CYSTM1: variants seen among roughly 807,000 people sequenced by gnomAD.
CYSTM1 encodes cysteine-rich transmembrane module-containing protein 1.
In CYSTM1, 4 loss-of-function variants were observed where a neutral mutation model predicts 13.1. That is an observed-to-expected ratio of 0.31 (90% CI 0.15 to 0.70). CYSTM1 has a LOEUF of 0.70. CYSTM1 is among the 30% of genes least tolerant of loss of function. The pLI, the probability that CYSTM1 is intolerant of heterozygous loss-of-function variation, is 0.72. For synonymous variants in CYSTM1, 36 were observed against 42.7 expected (o/e 0.84, Z 0.62); for missense variants, 96 against 121.6 (o/e 0.79, Z 0.99).
In CYSTM1 at chr5:140,230,469, A is replaced by G. The variant is rs1030167615; in HGVS notation, c.188-12836A>G. Among the ~76,000 whole-genome samples the G allele has an allele frequency of 6.6e-6, 1 of 152,218 alleles. No individual in the cohort carries two copies. Among genetic ancestry groups the G allele is most frequent in the Non-Finnish European group, 1.5e-5 (1 of 68,040 alleles). ...TGGATTCCAGGATGAGAGATGGTTG[A>G]TGGAAGGAAAGAAGAGGTTTGGAAA... On this transcript the variant is annotated intron_variant, in intron 2 of 2. Transcript: ENST00000261811. The surrounding 1 kb of genome is among the most constrained non-coding windows in gnomAD (Gnocchi z 4.1).
At chr5:140,227,304 A>C (rs1433289631) in intron 2 of CYSTM1, among the ~76,000 whole-genome samples, 2 of 152,140 alleles carry the variant, frequency 1.3e-5, no homozygotes, top group Non-Finnish European at 2.9e-5. Flanking sequence ...GCTGTTTGGG[A>C]TCTTGCATGG....
intron 1 of CYSTM1, among the ~76,000 whole-genome samples, chr5:140,189,743 C>T (rs1456624429): frequency 6.6e-6 from 1 of 152,078 alleles, no homozygotes; most frequent in Non-Finnish European, 1.5e-5. Context: ...CTGCTTTGAA[C>T]ATTCTTGTAA....
At position 140,219,200 on chromosome 5, in the gene CYSTM1, T is replaced by A. The variant is rs945745778; in HGVS notation, c.188-24105T>A. On this transcript the variant is annotated intron_variant, in intron 2 of 2. Coordinates refer to ENST00000261811, the MANE Select transcript of CYSTM1 (RefSeq NM_032412.4). The surrounding 1 kb of genome is among the most constrained non-coding windows in gnomAD (Gnocchi z 4.1). ...CTCTAGCCTCACATTTGCCAAATAA[T>A]CACATCTCAGTGGGTAAAGTGGGGA... Among the ~76,000 whole-genome samples the A allele has an allele frequency of 6.6e-6, 1 of 152,276 alleles. No homozygotes were observed. The highest frequency in any genetic ancestry group is 6.5e-5 in the Admixed American group (1 of 15,288).
chr5:140,203,937 A>C (rs1764259457), intron 2 of CYSTM1, among the ~76,000 whole-genome samples: 1 of 152,194 alleles, frequency 6.6e-6, no homozygotes. Context: ...GGAACCGTGA[A>C]TAGATTTGAA....
chr5:140,182,565 G>A (rs547622501), intron 1 of CYSTM1, among the ~76,000 whole-genome samples: 11 of 151,652 alleles, frequency 7.3e-5, no homozygotes, highest in South Asian at 6.3e-4. Flanking sequence ...CTGTGCCAGC[G>A]TGCTCTTAGA....
intron 2 of CYSTM1, among the ~76,000 whole-genome samples, chr5:140,210,621 C>G (rs1449270777): frequency 2.0e-5 from 3 of 151,920 alleles, no homozygotes; most frequent in Non-Finnish European, 2.9e-5. Context: ...CTCAAATAAT[C>G]CCACCTTAGC....
chr5:140,183,040 C>T (rs956718464), intron 1 of CYSTM1, among the ~76,000 whole-genome samples: 23 of 152,194 alleles, frequency 1.5e-4, no homozygotes, highest in African/African-American at 5.3e-4. Flanking sequence ...GTTAAATTGC[C>T]AGCACGTTAA....
intron 2 of CYSTM1, among the ~76,000 whole-genome samples, chr5:140,197,845 C>T (rs1409400208): frequency 2.0e-5 from 3 of 152,168 alleles, no homozygotes; most frequent in East Asian, 1.9e-4. Context: ...CCTTAATTGG[C>T]GTCTGGTAAT....
At chr5:140,189,774 A>C (rs771058360) in intron 1 of CYSTM1, among the ~76,000 whole-genome samples, 2 of 152,186 alleles carry the variant, frequency 1.3e-5, no homozygotes, top group Non-Finnish European at 2.9e-5. Flanking sequence ...GTGGACTTAC[A>C]CACTTGTTTC....
intron 2 of CYSTM1, among the ~76,000 whole-genome samples, chr5:140,242,300 A>T (rs978071111): frequency 6.6e-6 from 1 of 152,196 alleles, no homozygotes; most frequent in Non-Finnish European, 1.5e-5. Flanking sequence ...TAACCCACTC[A>T]GCGTGCCCTG....
intron 2 of CYSTM1, among the ~76,000 whole-genome samples, chr5:140,207,266 G>A (rs1764310015): frequency 6.6e-6 from 1 of 152,128 alleles, no homozygotes; most frequent in Non-Finnish European, 1.5e-5. Context: ...TGCTTATGGG[G>A]TCCTTCTGAA....
intron 1 of CYSTM1, among the ~76,000 whole-genome samples, chr5:140,191,320 T>C (rs1764093416): frequency 6.6e-6 from 1 of 152,268 alleles, no homozygotes; most frequent in Admixed American, 6.5e-5. Context: ...TTGTAGTTTA[T>C]GCTTTGTATA....
At chr5:140,197,533 A>G (rs1438764719) in intron 2 of CYSTM1, among the ~76,000 whole-genome samples, 1 of 152,184 alleles carries the variant, frequency 6.6e-6, no homozygotes, top group Non-Finnish European at 1.5e-5. Flanking sequence ...CCTGGGGTCC[A>G]TGTTCTGTGA....
At chr5:140,196,040 C>CAA (rs56786100) in intron 2 of CYSTM1, among the ~76,000 whole-genome samples, 3 of 136,158 alleles carry the variant, frequency 2.2e-5, no homozygotes, top group Non-Finnish European at 4.8e-5. Context: ...GACTCCATCT[C>CAA]AAAAAAAAAA....
intron 2 of CYSTM1, among the ~76,000 whole-genome samples, chr5:140,234,404 T>C (rs1417170913): frequency 6.6e-6 from 1 of 152,242 alleles, no homozygotes; most frequent in Non-Finnish European, 1.5e-5. Context: ...TTCCTTTCCA[T>C]AAATTTTAGA....
intron 1 of CYSTM1, among the ~76,000 whole-genome samples, chr5:140,186,708 T>TCCCAG (rs1457645641): frequency 6.6e-6 from 1 of 152,182 alleles, no homozygotes; most frequent in East Asian, 1.9e-4. Context: ...TAGTACTGGG[T>TCCCAG]TATAGTTGAT....
chr5:140,207,544 A>G (rs191689557), intron 2 of CYSTM1, among the ~76,000 whole-genome samples: 2 of 152,312 alleles, frequency 1.3e-5, no homozygotes, highest in African/African-American at 2.4e-5. Flanking sequence ...TGACCCTTGG[A>G]TGTGCCAAAG....
At chr5:140,243,259 G>C in intron 2 of CYSTM1, 46 bp from the exon 3 acceptor site, 1 of 1,541,508 alleles carries the variant, frequency 6.5e-7, no homozygotes, top group African/African-American at 1.4e-5. Context: ...CAGGGCCTGG[G>C]GTTTGCACCA....
chr5:140,193,314 C>T (rs1231785044), intron 1 of CYSTM1, among the ~76,000 whole-genome samples: 1 of 152,148 alleles, frequency 6.6e-6, no homozygotes, highest in African/African-American at 2.4e-5. Context: ...GACGGAGTCT[C>T]ACTTTGTTGC....
Sources: gnomAD v4.1 joint callset for allele counts (sites outside exome capture counted in the v4.1 genomes callset) on GRCh38, gnomAD v4.1.1 for gene constraint, Gnocchi (gnomAD v3.1) non-coding constraint, MANE v1.5 for transcripts, NCBI Gene and HGNC (gene_info 2026-07-23, HGNC 2026-07-21) for gene names.